The following ITGA6 variants were observed in gnomAD, a reference collection of about 807,000 sequenced individuals.
The protein encoded by ITGA6 is integrin alpha-6.
Under a neutral mutation model 133.6 loss-of-function variants are expected in ITGA6, and 63 were observed. That is an observed-to-expected ratio of 0.47 (90% CI 0.38 to 0.58). The LOEUF is 0.58. Ranked by LOEUF, ITGA6 falls within the 20% of genes least tolerant of loss-of-function variation. The pLI is 0.00. For synonymous variants in ITGA6, 434 were observed against 482.0 expected, an observed-to-expected ratio of 0.90 and a Z score of 1.30; for missense variants, 1,068 against 1,309.4, an observed-to-expected ratio of 0.82 and a Z score of 2.85.
chr2:172,503,132 T>C (rs1050321921), intron 25 of ITGA6, among the ~76,000 whole-genome samples: 8 of 152,170 alleles, frequency 5.3e-5, no homozygotes, highest in Non-Finnish European at 1.2e-4. Flanking sequence ...CCTGTTACTA[T>C]TGACGTCACA....
chr2:172,475,090 A>G lies in ITGA6; in HGVS notation c.1148A>G (p.Asn383Ser). The change falls in exon 7 of 26, where the codon AAT (asparagine) becomes AGT (serine). Residue 383 changes from asparagine to serine, a missense_variant. By Grantham distance (46) the Asn-to-Ser change is conservative. Transcript: ENST00000684293. Reference protein sequence around the residue: ...KDSMFGIAVKNIGDINQDGYP... With the variant: ...KDSMFGIAVKSIGDINQDGYP... ...TCTATGTTTGGCATTGCAGTAAAAA[A>G]TATTGGAGATATTAATCAAGATGGC... 6.3e-7 allele frequency: 1 copy of G among 1,596,154 alleles called. No individual in the cohort carries two copies. Among genetic ancestry groups the G allele is most frequent in the East Asian group, 2.2e-5 (1 of 44,854 alleles).
At chr2:172,434,066 C>G (rs1341902812) in intron 1 of ITGA6, among the ~76,000 whole-genome samples, 1 of 152,200 alleles carries the variant, frequency 6.6e-6, no homozygotes, top group East Asian at 1.9e-4. Context: ...GGATAACTTG[C>G]ACAACACCCA....
At position 172,474,342 on chromosome 2, in the gene ITGA6, G is replaced by A. The variant is rs557708133; in HGVS notation, c.986+77G>A. On this transcript the variant is annotated intron_variant, in intron 6 of 25. Transcript: ENST00000684293. ...GCTTCTATACGACTGGAGAAGAGCC[G>A]TCCTTTCAGGTTCATTGACGTAAAG... 166 of 1,255,208 alleles carry A rather than the reference G, an allele frequency of 1.3e-4. 1 individual carries two copies. The South Asian group carries it at 1.6e-3, about 12-fold the overall frequency. 77.8% of individuals were successfully genotyped at this position (1,255,208 alleles called of 1,614,324 possible). A position where few individuals can be genotyped will look rare whatever the true frequency, so the allele number is the denominator to read the frequency against.
intron 24 of ITGA6, among the ~76,000 whole-genome samples, chr2:172,498,674 A>G (rs1179555850): frequency 1.3e-5 from 2 of 152,208 alleles, no homozygotes; most frequent in Non-Finnish European, 2.9e-5. Context: ...ATAAAATGTA[A>G]TATCTTCCCC....
chr2:172,500,961 A>T (rs1035618775), intron 24 of ITGA6, among the ~76,000 whole-genome samples: 4 of 152,228 alleles, frequency 2.6e-5, no homozygotes, highest in African/African-American at 9.6e-5. Context: ...GAGTTGCTGG[A>T]CTAGGAATCA....
rs1920979 is a variant in ITGA6 at position 172,479,746 on chromosome 2, A to G, written c.1487+7A>G. 587,429 of 1,608,720 alleles carry G rather than the reference A, an allele frequency of 0.37. 108,980 individuals are homozygous for G. The highest frequency in any genetic ancestry group is 0.52 in the African/African-American group (38,702 of 74,648). On this transcript the variant is annotated splice_region_variant and intron_variant, in intron 10 of 25. Transcript: ENST00000684293. ...GGGCGCCTAGTGGGATATGGTGAGC[A>G]TCCCTCTGTCTTGGTGGGATCCCCC... is the stretch of plus-strand genomic sequence containing the variant.
rs376169825 is a variant in ITGA6, at chr2:172,452,365, A to G, written c.183-13174A>G. On this transcript the variant is annotated intron_variant, in intron 1 of 25. Transcript: ENST00000684293. ...AGTCAGTGGCAGCAAGTCTTGTCTAAAGGTGTGAGCAGCAACAAAGCAACA... is the reference window on the plus strand; with the variant it reads ...AGTCAGTGGCAGCAAGTCTTGTCTAGAGGTGTGAGCAGCAACAAAGCAACA... Among the ~76,000 whole-genome samples the G allele has an allele frequency of 9.8e-5, 15 of 152,316 alleles. No homozygotes were observed. In the East Asian group the frequency reaches 2.9e-3, roughly 29 times the overall value.
chr2:172,485,156 A>G lies in ITGA6; in HGVS notation c.1746A>G (p.Ile582Met), dbSNP rs776005321. The G allele has an allele frequency of 9.9e-6, 16 of 1,613,882 alleles. No individual in the cohort carries two copies. Among genetic ancestry groups the G allele is most frequent in the Non-Finnish European group, 1.3e-5 (15 of 1,179,860 alleles). The stretch of plus-strand genomic sequence containing the variant: ...GAGATAAACTGCGTCCCATTCCCAT[A>G]ACTGCCTCAGTGGAGATCCAAGAGC... ...NIRDKLRPIP[I>M]TASVEIQEPS... is the part of the protein sequence containing the mutation. The change falls in exon 13 of 26, where the codon ATA (isoleucine) becomes ATG (methionine). Residue 582 changes from isoleucine to methionine, a missense_variant. By Grantham distance (10) the Ile-to-Met change is conservative. Transcript: ENST00000684293.
rs546369232 is a variant in ITGA6, at chr2:172,471,417, C to T, written c.775+312C>T. 2.5e-4 allele frequency among the ~76,000 whole-genome samples: 38 copies of T among 152,338 alleles called. No homozygotes were observed. In the Middle Eastern group the frequency reaches 0.014, roughly 55 times the overall value. ...GGCAGCCTCCGTAACCTGAAACAGG[C>T]CGCTCATGCAGCCATGAAAACATGC... On this transcript the variant is annotated intron_variant, in intron 5 of 25. Coordinates refer to ENST00000684293, the MANE Select transcript of ITGA6 (RefSeq NM_000210.4).
At chr2:172,477,556 T>G (rs1185204979) in intron 9 of ITGA6, among the ~76,000 whole-genome samples, 1 of 152,230 alleles carries the variant, frequency 6.6e-6, no homozygotes, top group African/African-American at 2.4e-5. Context: ...CTATCTCTCC[T>G]TGTCAATACA....
At chr2:172,447,475 G>C (rs769235298) in intron 1 of ITGA6, among the ~76,000 whole-genome samples, 1 of 152,150 alleles carries the variant, frequency 6.6e-6, no homozygotes, top group Non-Finnish European at 1.5e-5. Context: ...AAAGTGCTAC[G>C]ATTACAGGTG....
chr2:172,440,165 A>C (rs1406128838), intron 1 of ITGA6, among the ~76,000 whole-genome samples: 3 of 152,202 alleles, frequency 2.0e-5, no homozygotes, highest in Non-Finnish European at 4.4e-5. Flanking sequence ...GGCACCCTAT[A>C]AATGTATGCC....
intron 23 of ITGA6, among the ~76,000 whole-genome samples, chr2:172,496,054 G>T (rs575379902): frequency 6.6e-6 from 1 of 152,200 alleles, no homozygotes; most frequent in Non-Finnish European, 1.5e-5. Context: ...TTAGATAATA[G>T]GGCAACAAAG....
chr2:172,451,923 A>C (rs904359725), intron 1 of ITGA6, among the ~76,000 whole-genome samples: 2 of 151,704 alleles, frequency 1.3e-5, no homozygotes, highest in Non-Finnish European at 2.9e-5. Flanking sequence ...TACTTTTATG[A>C]TTCAAAAACC....
rs760017095 is a variant in ITGA6, at chr2:172,476,477, C to T, written c.1352C>T (p.Ala451Val). 2.4e-5 allele frequency: 39 copies of T among 1,608,962 alleles called. No homozygotes were observed. Among genetic ancestry groups the T allele is most frequent in the Non-Finnish European group, 3.3e-5 (39 of 1,175,398 alleles). The change falls in exon 9 of 26, where the codon GCT becomes GTT. Residue 451 changes from alanine to valine, a missense_variant. By Grantham distance (64) the Ala-to-Val change is moderately conservative. Around this residue, in one of 3 missense-constraint regions of ITGA6, gnomAD observed 317 missense variants for 456.9 expected, o/e 0.69. Transcript: ENST00000684293. ...GATCGAAATTCCTACCCTGATGTTG[C>T]TGTTGGTTCCCTCTCAGATTCAGTA... ...DLDRNSYPDV[A>V]VGSLSDSVTI...
intron 11 of ITGA6, among the ~76,000 whole-genome samples, chr2:172,480,611 T>C (rs1252381253): frequency 2.0e-5 from 3 of 152,176 alleles, no homozygotes; most frequent in Non-Finnish European, 2.9e-5. Context: ...GTTTCAGCTT[T>C]GATACTGACT....
At chr2:172,436,694 G>C (rs1574315594) in intron 1 of ITGA6, among the ~76,000 whole-genome samples, 1 of 152,292 alleles carries the variant, frequency 6.6e-6, no homozygotes, top group Non-Finnish European at 1.5e-5. Flanking sequence ...GAGAAACCGT[G>C]GCCAGCTTTT....
At chr2:172,501,927 C>A in intron 25 of ITGA6, 26 bp downstream of exon 25, 1 of 1,599,018 alleles carries the variant, frequency 6.3e-7, no homozygotes, top group Non-Finnish European at 8.5e-7. Context: ...TTTTTAATTG[C>A]TAGCTGTGGG....
At chr2:172,472,709 G>T in intron 5 of ITGA6, 1 of 1,047,094 alleles carries the variant, frequency 9.6e-7, no homozygotes. Context: ...AGCAGTGGCT[G>T]TCCTGCCTCT....
Sources: allele counts gnomAD v4.1 joint callset (sites outside exome capture counted in the v4.1 genomes callset), GRCh38; gene constraint gnomAD v4.1.1; regional missense constraint gnomAD v4.1.1; transcripts MANE v1.5; gene names NCBI Gene and HGNC (gene_info 2026-07-23, HGNC 2026-07-21).